Variants in SKAP1 observed in about 807,000 individuals in gnomAD.
SKAP1 encodes the protein src kinase-associated phosphoprotein 1.
A neutral mutation model predicts 58.5 loss-of-function variants in SKAP1; 44 were observed. The ratio of observed to expected loss-of-function variants is 0.75; its 90% CI spans 0.59 to 0.97. The LOEUF is 0.97. SKAP1 is among the 50% of genes least tolerant of loss of function. SKAP1 has a pLI of 0.00. For missense variants in SKAP1, 390 were observed against 435.2 expected (o/e 0.90, Z 0.92); for synonymous variants, 127 against 149.7 (o/e 0.85, Z 1.11).
At chr17:48,269,258 T>C (rs1476409327) in intron 4 of SKAP1, among the ~76,000 whole-genome samples, 1 of 152,138 alleles carries the variant, frequency 6.6e-6, no homozygotes. Context: ...AGAAAGGACA[T>C]TTTAAGTTAG....
the SKAP1 span, among the ~76,000 whole-genome samples, chr17:48,441,465 T>C: frequency 2.0e-5 from 3 of 152,130 alleles, no homozygotes; most frequent in Admixed American, 2.0e-4. Context: ...GATTCAAAAG[T>C]GGTTGATGAA....
At chr17:48,142,693 A>G (rs2063783552) in intron 11 of SKAP1, among the ~76,000 whole-genome samples, 1 of 152,226 alleles carries the variant, frequency 6.6e-6, no homozygotes, top group Non-Finnish European at 1.5e-5. Context: ...GAAATGCCAC[A>G]AGAAGTGAGA....
chr17:48,254,899 C>G (rs1273440477), intron 4 of SKAP1, among the ~76,000 whole-genome samples: 1 of 151,918 alleles, frequency 6.6e-6, no homozygotes, highest in Non-Finnish European at 1.5e-5. Flanking sequence ...ATGATATGAT[C>G]CCAAGAGCAC....
chr17:48,293,563 A>T (rs1010282860), intron 4 of SKAP1, among the ~76,000 whole-genome samples: 2 of 152,222 alleles, frequency 1.3e-5, no homozygotes, highest in African/African-American at 4.8e-5. Context: ...GGCTTGCTTG[A>T]TCACACATCA....
At chr17:48,430,818 G>A (rs557844038), upstream of SKAP1, among the ~76,000 whole-genome samples, 1 of 152,290 alleles carries the variant, frequency 6.6e-6, no homozygotes, top group East Asian at 1.9e-4. Flanking sequence ...GAAAGGAAGG[G>A]GTAACACAGG....
At chr17:48,439,283 C>G in the SKAP1 span, among the ~76,000 whole-genome samples, 1 of 152,190 alleles carries the variant, frequency 6.6e-6, no homozygotes, top group Non-Finnish European at 1.5e-5. Flanking sequence ...GCTCAATATT[C>G]CAATCAAAGC....
intron 4 of SKAP1, among the ~76,000 whole-genome samples, chr17:48,329,420 C>T (rs776383163): frequency 5.3e-5 from 8 of 152,070 alleles, no homozygotes; most frequent in African/African-American, 9.7e-5. Context: ...TAACAATCAA[C>T]GTGGCTGGGC....
chr17:48,153,044 C>CAT (rs2063922664), intron 11 of SKAP1, among the ~76,000 whole-genome samples: 1 of 140,952 alleles, frequency 7.1e-6, no homozygotes, highest in African/African-American at 2.6e-5. Context: ...CACACACACA[C>CAT]ACACATACAT....
chr17:48,266,147 C>A (rs983994796), intron 4 of SKAP1, among the ~76,000 whole-genome samples: 3 of 152,114 alleles, frequency 2.0e-5, no homozygotes, highest in African/African-American at 7.2e-5. Flanking sequence ...CACACCCACA[C>A]ACACACATAC....
Position 48,288,634 on chromosome 17 carries a change from C to T in SKAP1, c.280+57271G>A, listed in dbSNP as rs150535205. On this transcript the variant is annotated intron_variant, in intron 4 of 12. Coordinates refer to ENST00000336915, the MANE Select transcript of SKAP1 (RefSeq NM_003726.4). ...CCAGGAGATGGAGGTTGCAGTGAGC[C>T]GAGACTGAGCCACTGCACTCCAGCC... 4.6e-5 allele frequency among the ~76,000 whole-genome samples: 7 copies of T among 152,102 alleles called. No individual in the cohort carries two copies. The East Asian group carries it at 5.8e-4, about 13-fold the overall frequency.
intron 4 of SKAP1, among the ~76,000 whole-genome samples, chr17:48,222,753 A>G (rs2065019287): frequency 6.6e-6 from 1 of 151,290 alleles, no homozygotes; most frequent in Admixed American, 6.6e-5. Flanking sequence ...GCTGTAGAAT[A>G]ATTTTAATGC....
chr17:48,299,373 T>A (rs567491194), intron 4 of SKAP1, among the ~76,000 whole-genome samples: 1 of 152,330 alleles, frequency 6.6e-6, no homozygotes, highest in African/African-American at 2.4e-5. Flanking sequence ...AACATTTATC[T>A]TGGATCTATC....
intron 5 of SKAP1, among the ~76,000 whole-genome samples, chr17:48,188,791 G>A (rs988840334): frequency 1.3e-5 from 2 of 152,178 alleles, no homozygotes; most frequent in African/African-American, 4.8e-5. Flanking sequence ...TTGAGGCCAG[G>A]AATTTAAGAC....
chr17:48,221,185 T>G (rs1024169555), intron 4 of SKAP1, among the ~76,000 whole-genome samples: 4 of 151,970 alleles, frequency 2.6e-5, no homozygotes, highest in Non-Finnish European at 5.9e-5. Context: ...GAGAAGCGCT[T>G]GAACCTGGGA....
chr17:48,334,147 C>A (rs1037216967), intron 4 of SKAP1, among the ~76,000 whole-genome samples: 5 of 151,970 alleles, frequency 3.3e-5, no homozygotes, highest in Non-Finnish European at 7.4e-5. Flanking sequence ...GAGACCCTGA[C>A]ACCTTCTTAT....
chr17:48,432,788 T>C (rs2067926403), upstream of SKAP1, among the ~76,000 whole-genome samples: 1 of 152,244 alleles, frequency 6.6e-6, no homozygotes, highest in Non-Finnish European at 1.5e-5. Context: ...TTCAAGGATA[T>C]GGTGTCACAT....
Position 48,342,526 on chromosome 17 carries a change from C to G in SKAP1, c.280+3379G>C, listed in dbSNP as rs562085318. Reference sequence around the variant, plus strand: ...CTTTGTAGTTTTCACAAAGTCATGACCTAAACACAATATGCAGCATGGTTA... The same window carrying G: ...CTTTGTAGTTTTCACAAAGTCATGAGCTAAACACAATATGCAGCATGGTTA... On this transcript the variant is annotated intron_variant, in intron 4 of 12. Transcript: ENST00000336915. Among the ~76,000 whole-genome samples the G allele has an allele frequency of 4.0e-5, 6 of 151,898 alleles. No individual in the cohort carries two copies. In the East Asian group the frequency reaches 5.8e-4, roughly 15 times the overall value.
intron 4 of SKAP1, among the ~76,000 whole-genome samples, chr17:48,231,313 C>T (rs201599850): frequency 2.0e-5 from 3 of 152,226 alleles, no homozygotes; most frequent in South Asian, 4.2e-4. Flanking sequence ...AAGGGTCTCT[C>T]AGACCAGTAA....
At chr17:48,404,597 G>C (rs2067546400) in intron 1 of SKAP1, among the ~76,000 whole-genome samples, 1 of 152,116 alleles carries the variant, frequency 6.6e-6, no homozygotes. Context: ...CTTCATCCTT[G>C]ACAGTGATAA....
Sources: allele counts gnomAD v4.1 joint callset (sites outside exome capture counted in the v4.1 genomes callset), GRCh38; gene constraint gnomAD v4.1.1; transcripts MANE v1.5; gene names NCBI Gene and HGNC (gene_info 2026-07-23, HGNC 2026-07-21).